Variants in SLC1A2 observed in about 807,000 individuals in gnomAD.
SLC1A2 encodes the protein excitatory amino acid transporter 2.
A neutral mutation model predicts 48.8 loss-of-function variants in SLC1A2; 15 were observed. The observed-to-expected ratio is 0.31, with a 90% CI of 0.21 to 0.47. SLC1A2 has a LOEUF of 0.47. Among genes scored for constraint, SLC1A2 ranks in the 20% least tolerant of loss-of-function variants. The pLI is 0.99. For missense variants in SLC1A2, 502 were observed against 730.5 expected, an observed-to-expected ratio of 0.69 and a Z score of 3.61; for synonymous variants, 279 against 272.6, an observed-to-expected ratio of 1.02 and a Z score of -0.23.
chr11:35,378,610 CAAG>C (rs1854317807), intron 1 of SLC1A2, among the ~76,000 whole-genome samples: 1 of 152,162 alleles, frequency 6.6e-6, no homozygotes, highest in Non-Finnish European at 1.5e-5. Flanking sequence ...GCATTGGAGA[CAAG>C]AAGGACAGGG....
upstream of SLC1A2, chr11:35,420,135 A>ATT (rs561948166): frequency 0.01 from 1,537 of 149,410 alleles, 25 homozygotes; most frequent in East Asian, 0.094. Flanking sequence ...GGAGGCCGGG[A>ATT]TTTTTTTTTT....
At chr11:35,365,073 CAG>C (rs1215704930) in intron 1 of SLC1A2, among the ~76,000 whole-genome samples, 1 of 152,178 alleles carries the variant, frequency 6.6e-6, no homozygotes. Flanking sequence ...GAAACTGAGG[CAG>C]AGAGATGTTA....
intron 3 of SLC1A2, among the ~76,000 whole-genome samples, chr11:35,314,671 C>T (rs1473537911): frequency 6.6e-6 from 1 of 151,176 alleles, no homozygotes; most frequent in East Asian, 1.9e-4. Context: ...TGAGATTGCA[C>T]CACCGCACTC....
chr11:35,322,494 A>C (rs1677744050), intron 1 of SLC1A2: 1 of 946,970 alleles, frequency 1.1e-6, no homozygotes, highest in African/African-American at 1.6e-5. Context: ...AACACTCCCC[A>C]GGGAGCCTAA....
intron 1 of SLC1A2, among the ~76,000 whole-genome samples, chr11:35,351,864 G>A (rs527336679): frequency 7.9e-5 from 12 of 152,222 alleles, no homozygotes; most frequent in Admixed American, 7.2e-4. Context: ...TCAAACTCCT[G>A]ACATCATGAT....
At chr11:35,285,937 G>A (rs921135751) in intron 8 of SLC1A2, 6 of 152,224 alleles carry the variant, frequency 3.9e-5, no homozygotes, top group African/African-American at 1.4e-4. Flanking sequence ...CATTTAGATG[G>A]GTTGGGAGTG....
At chr11:35,291,182 G>A (rs1429420402) in intron 7 of SLC1A2, among the ~76,000 whole-genome samples, 1 of 152,150 alleles carries the variant, frequency 6.6e-6, no homozygotes, top group Non-Finnish European at 1.5e-5. Flanking sequence ...AAGGACATAT[G>A]TGCAGAAATA....
chr11:35,380,370 T>A, intron 1 of SLC1A2: 1 of 398,652 alleles, frequency 2.5e-6, no homozygotes, highest in Non-Finnish European at 4.4e-6. Context: ...CTGGTCATTG[T>A]GAGCACTAAC....
At chr11:35,361,076 A>G (rs1417410948) in intron 1 of SLC1A2, among the ~76,000 whole-genome samples, 1 of 152,034 alleles carries the variant, frequency 6.6e-6, no homozygotes, top group African/African-American at 2.4e-5. Flanking sequence ...GGGTTTCACC[A>G]TGTTGGCCAG....
chr11:35,354,130 T>C (rs1001067580), intron 1 of SLC1A2, among the ~76,000 whole-genome samples: 1 of 152,092 alleles, frequency 6.6e-6, no homozygotes, highest in African/African-American at 2.4e-5. Flanking sequence ...ATTAGTGGCA[T>C]ACTGGGACAA....
At chr11:35,354,580 C>T (rs1853387095) in intron 1 of SLC1A2, among the ~76,000 whole-genome samples, 1 of 152,148 alleles carries the variant, frequency 6.6e-6, no homozygotes. Flanking sequence ...CAGCCAGGGG[C>T]AATTTTGTAA....
intron 1 of SLC1A2, among the ~76,000 whole-genome samples, chr11:35,330,203 A>T (rs1472373598): frequency 2.0e-5 from 3 of 152,194 alleles, no homozygotes; most frequent in Non-Finnish European, 2.9e-5. Context: ...TATCCTGGTT[A>T]AAGCACCTCA....
chr11:35,376,464 G>A (rs1854233091), intron 1 of SLC1A2, among the ~76,000 whole-genome samples: 1 of 152,148 alleles, frequency 6.6e-6, no homozygotes, highest in Admixed American at 6.5e-5. Flanking sequence ...GCTGAGGGAG[G>A]AGAATGTGGG....
Position 35,252,330 on chromosome 11 carries a change from T to C in SLC1A2, c.*8564A>G, listed in dbSNP as rs992778613. The C allele has an allele frequency of 2.6e-5, 4 of 152,294 alleles. No individual in the cohort carries two copies. The highest frequency in any genetic ancestry group is 6.6e-5 in the Admixed American group (1 of 15,248). The allele number at this position is 152,294 out of a possible 1,614,324, so 9.4% of individuals were successfully genotyped here. On this transcript the variant is annotated 3_prime_UTR_variant, in exon 11 of 11. Transcript: ENST00000278379. ...GGCTGACCTTTCTCTAAAGACATGA[T>C]GCTAATATGCACAGAGTCAGACTAA...
chr11:35,395,397 T>G (rs1297750992), intron 1 of SLC1A2, among the ~76,000 whole-genome samples: 1 of 152,008 alleles, frequency 6.6e-6, no homozygotes, highest in Non-Finnish European at 1.5e-5. Context: ...CAAAGGGAAG[T>G]GTAGCTCTTC....
chr11:35,409,403 G>T (rs966461595), intron 1 of SLC1A2, among the ~76,000 whole-genome samples: 1 of 152,112 alleles, frequency 6.6e-6, no homozygotes, highest in Admixed American at 6.5e-5. Flanking sequence ...CTATACTCTT[G>T]TTCCCAATAT....
chr11:35,257,494 C>G lies in SLC1A2; in HGVS notation c.*3400G>C, dbSNP rs574408011. ...AAACTGATAGCTATGTGGTTCAGCTCTCATAACCTAGAGTCCTATGTTGAA... is the reference window on the plus strand; with the variant it reads ...AAACTGATAGCTATGTGGTTCAGCTGTCATAACCTAGAGTCCTATGTTGAA... On this transcript the variant is annotated 3_prime_UTR_variant, in exon 11 of 11. Transcript: ENST00000278379. 1.3e-5 allele frequency: 2 copies of G among 152,318 alleles called. No individual in the cohort carries two copies. Among genetic ancestry groups the G allele is most frequent in the African/African-American group, 4.8e-5 (2 of 41,578 alleles). The allele number at this position is 152,318 out of a possible 1,614,324, so 9.4% of individuals were successfully genotyped here.
chr11:35,321,850 T>G (rs1315769507), intron 1 of SLC1A2, among the ~76,000 whole-genome samples: 1 of 152,162 alleles, frequency 6.6e-6, no homozygotes, highest in Non-Finnish European at 1.5e-5. Flanking sequence ...GTCCTGTGGC[T>G]GTGCACACAG....
At chr11:35,417,334 T>A (rs1855639756) in intron 1 of SLC1A2, among the ~76,000 whole-genome samples, 1 of 152,182 alleles carries the variant, frequency 6.6e-6, no homozygotes, top group African/African-American at 2.4e-5. Context: ...AACCTCTCCT[T>A]CTCTATCTGG....
Sources: gnomAD v4.1 joint callset for allele counts (sites outside exome capture counted in the v4.1 genomes callset) on GRCh38, gnomAD v4.1.1 for gene constraint, MANE v1.5 for transcripts, NCBI Gene and HGNC (gene_info 2026-07-23, HGNC 2026-07-21) for gene names.